The following USP13 variants were observed in gnomAD, a reference collection of about 807,000 sequenced individuals.
USP13 encodes the protein ubiquitin specific peptidase 13.
In USP13, 68 loss-of-function variants were observed where a neutral mutation model predicts 107.8. The ratio of observed to expected loss-of-function variants is 0.63; its 90% CI spans 0.52 to 0.77. The LOEUF (loss-of-function observed/expected upper bound fraction) is 0.77. USP13 is among the 30% of genes least tolerant of loss of function. The pLI is 0.00. For missense variants in USP13, 945 were observed against 1,093.3 expected (o/e 0.86, Z 1.91); for synonymous variants, 377 against 389.5 (o/e 0.97, Z 0.38).
intron 14 of USP13, 60 bp downstream of exon 14, chr3:179,752,433 C>A: frequency 7.8e-7 from 1 of 1,282,412 alleles, no homozygotes; most frequent in Non-Finnish European, 1.1e-6. Context: ...AACAACATGG[C>A]ATGTGAAAGA....
At chr3:179,677,429 C>A (rs1289311312) in intron 1 of USP13, among the ~76,000 whole-genome samples, 1 of 151,798 alleles carries the variant, frequency 6.6e-6, no homozygotes, top group Admixed American at 6.6e-5. Context: ...GAAAATACAA[C>A]ATTAGCCGGG....
Position 179,754,768 on chromosome 3 carries a change from A to G in USP13, c.1835A>G (p.Asn612Ser), listed in dbSNP as rs1364844432. The change falls in exon 15 of 21, where the codon AAC (asparagine) becomes AGC (serine). Residue 612 changes from asparagine (N) to serine (S), a missense_variant. By Grantham distance (46) the Asn-to-Ser change is conservative. Transcript: ENST00000263966. ...SIDMPDLLDI[N>S]HLRARGLQPG... ...GATATGCCAGACCTACTTGATATCAACCATCTCCGAGCCAGGGGGTTACAG... is the reference window on the plus strand; with the variant it reads ...GATATGCCAGACCTACTTGATATCAGCCATCTCCGAGCCAGGGGGTTACAG... 4.3e-6 allele frequency: 7 copies of G among 1,613,556 alleles called. No homozygotes were observed. The highest frequency in any genetic ancestry group is 1.7e-5 in the Admixed American group (1 of 59,896).
rs570761575 is a variant in USP13 at position 179,711,592 on chromosome 3, T to G, written c.805+2635T>G. Among the ~76,000 whole-genome samples the G allele has an allele frequency of 7.2e-5, 11 of 152,270 alleles. No homozygotes were observed. In the South Asian group the frequency reaches 2.3e-3, roughly 32 times the overall value. ...CTTTTTAAACGTTTTTATTAAAAAC[T>G]AAGACACAAACACACACATTAGCCT... On this transcript the variant is annotated intron_variant, in intron 6 of 20. Transcript: ENST00000263966.
intron 3 of USP13, among the ~76,000 whole-genome samples, chr3:179,697,674 A>G (rs1712371932): frequency 6.6e-6 from 1 of 152,082 alleles, no homozygotes; most frequent in Non-Finnish European, 1.5e-5. Flanking sequence ...TCTTCAACTA[A>G]ATATTTTTGG....
At chr3:179,683,393 C>T (rs796342667) in intron 2 of USP13, among the ~76,000 whole-genome samples, 19 of 152,122 alleles carry the variant, frequency 1.2e-4, no homozygotes, top group African/African-American at 4.1e-4. Context: ...ACATTTTATA[C>T]TAGTCTGTTT....
chr3:179,766,048 C>T lies in USP13; in HGVS notation c.2413+200C>T, dbSNP rs374280957. 7.7e-4 allele frequency among the ~76,000 whole-genome samples: 116 copies of T among 151,472 alleles called. 2 individuals are homozygous for T. Among genetic ancestry groups the T allele is most frequent in the African/African-American group, 2.4e-3 (100 of 41,238 alleles). On this transcript the variant is annotated intron_variant, in intron 19 of 20. Coordinates refer to ENST00000263966, the MANE Select transcript of USP13 (RefSeq NM_003940.3). The stretch of plus-strand genomic sequence containing the variant: ...AGGCTGGTGTGCTGTGGCGCGATCT[C>T]GGCTCACTGCAACCTCCGCCTCCCA...
rs1251010870 is a variant in USP13 at position 179,784,733 on chromosome 3, G to C, written c.*592G>C. 1.3e-5 allele frequency: 2 copies of C among 152,220 alleles called. No homozygotes were observed. Among genetic ancestry groups the C allele is most frequent in the African/African-American group, 4.8e-5 (2 of 41,424 alleles). 9.4% of individuals were successfully genotyped at this position (152,220 alleles called of 1,614,324 possible). ...TCACATTAAAATTCATAATACGATT[G>C]TGTGAATGTGTGTGAGACTGACTGA... On this transcript the variant is annotated 3_prime_UTR_variant, in exon 21 of 21. Coordinates refer to ENST00000263966, the MANE Select transcript of USP13 (RefSeq NM_003940.3).
chr3:179,680,164 C>T (rs9859059), intron 1 of USP13, among the ~76,000 whole-genome samples: 39,246 of 138,054 alleles, frequency 0.28, 5,601 homozygotes, highest in Non-Finnish European at 0.34. Flanking sequence ...CAGAGTGAGA[C>T]GCTGTTGAAA....
intron 4 of USP13, among the ~76,000 whole-genome samples, chr3:179,705,225 A>T (rs1381890412): frequency 6.6e-6 from 1 of 152,188 alleles, no homozygotes; most frequent in Non-Finnish European, 1.5e-5. Flanking sequence ...GACACATGGG[A>T]AACTGCTACT....
At chr3:179,691,287 T>G (rs578227982) in intron 3 of USP13, among the ~76,000 whole-genome samples, 1 of 152,232 alleles carries the variant, frequency 6.6e-6, no homozygotes, top group Non-Finnish European at 1.5e-5. Context: ...TGTTACAAGA[T>G]ATGATCCAGG....
At chr3:179,674,969 A>G (rs1720851844) in intron 1 of USP13, among the ~76,000 whole-genome samples, 1 of 152,050 alleles carries the variant, frequency 6.6e-6, no homozygotes, top group Non-Finnish European at 1.5e-5. Flanking sequence ...AGGTCAGGAG[A>G]TTGAGACCAT....
rs769333599 is a variant in USP13 at position 179,721,604 on chromosome 3, T to C, written c.1088+15T>C. The C allele has an allele frequency of 1.9e-6, 3 of 1,611,862 alleles. No individual in the cohort carries two copies. The highest frequency in any genetic ancestry group is 1.7e-6 in the Non-Finnish European group (2 of 1,179,484). The stretch of plus-strand genomic sequence containing the variant: ...TTCCAGAGAGCGTAAGTGCCTTCCA[T>C]GCAGACCAGGGCACGCGGCACCTCC... On this transcript the variant is annotated intron_variant, in intron 8 of 20. Transcript: ENST00000263966. The surrounding 1 kb of genome is among the most constrained non-coding windows in gnomAD (Gnocchi z 4.3).
intron 3 of USP13, among the ~76,000 whole-genome samples, chr3:179,691,514 G>A (rs1202634186): frequency 6.6e-6 from 1 of 152,192 alleles, no homozygotes; most frequent in Non-Finnish European, 1.5e-5. Flanking sequence ...CAGAGATAGT[G>A]TGCCCTTCTT....
chr3:179,695,763 G>A (rs930421262), intron 3 of USP13, among the ~76,000 whole-genome samples: 1 of 151,976 alleles, frequency 6.6e-6, no homozygotes, highest in Non-Finnish European at 1.5e-5. Context: ...TTTTCTGTGT[G>A]TACATCTTTG....
chr3:179,664,790 A>G (rs940325925), intron 1 of USP13, among the ~76,000 whole-genome samples: 2 of 152,192 alleles, frequency 1.3e-5, no homozygotes, highest in Non-Finnish European at 2.9e-5. Context: ...CTCATGTGGT[A>G]AGATTAAAAA....
intron 1 of USP13, among the ~76,000 whole-genome samples, chr3:179,659,455 G>C (rs981775526): frequency 3.9e-5 from 6 of 152,152 alleles, no homozygotes; most frequent in African/African-American, 1.2e-4. Flanking sequence ...ATCTGGGGGT[G>C]GGGGTGTAGC....
chr3:179,764,466 C>G (rs1347629339), intron 18 of USP13, among the ~76,000 whole-genome samples: 1 of 152,118 alleles, frequency 6.6e-6, no homozygotes, highest in Non-Finnish European at 1.5e-5. Flanking sequence ...GACTTGGAGG[C>G]TGCTTGTGGC....
Position 179,721,388 on chromosome 3 carries a change from T to C in USP13, c.901-14T>C, listed in dbSNP as rs753877670. On this transcript the variant is annotated splice_polypyrimidine_tract_variant and intron_variant, in intron 7 of 20. Coordinates refer to ENST00000263966, the MANE Select transcript of USP13 (RefSeq NM_003940.3). The surrounding 1 kb of genome is among the most constrained non-coding windows in gnomAD (Gnocchi z 4.3). Reference sequence around the variant, plus strand: ...CACATTTAAAGTTGTTTTTCTTCGATGACTTTGTCTCAGACAGAGAATGGG... The same window carrying C: ...CACATTTAAAGTTGTTTTTCTTCGACGACTTTGTCTCAGACAGAGAATGGG... 1 of 1,606,436 alleles carries C rather than the reference T, an allele frequency of 6.2e-7. No homozygotes were observed. Among genetic ancestry groups the C allele is most frequent in the African/African-American group, 1.3e-5 (1 of 74,808 alleles).
At chr3:179,712,084 A>G (rs995818506) in intron 6 of USP13, among the ~76,000 whole-genome samples, 8 of 152,212 alleles carry the variant, frequency 5.3e-5, no homozygotes, top group Non-Finnish European at 7.3e-5. Flanking sequence ...TATGCAGTCC[A>G]TTGTTGACCA....
Sources: allele counts gnomAD v4.1 joint callset (sites outside exome capture counted in the v4.1 genomes callset), GRCh38; gene constraint gnomAD v4.1.1; non-coding constraint Gnocchi (gnomAD v3.1); transcripts MANE v1.5; gene names NCBI Gene and HGNC (gene_info 2026-07-23, HGNC 2026-07-21).